Variants in PCDHGA1 observed in about 807,000 individuals in gnomAD.
PCDHGA1 encodes protocadherin gamma subfamily A, 1.
Under a neutral mutation model 58.0 loss-of-function variants are expected in PCDHGA1, and 32 were observed. The ratio of observed to expected loss-of-function variants is 0.55; its 90% CI spans 0.42 to 0.74. PCDHGA1 has a LOEUF of 0.74. PCDHGA1 is among the 30% of genes least tolerant of loss of function. PCDHGA1 has a pLI of 0.00. For missense variants in PCDHGA1, 1,205 were observed against 1,182.3 expected (o/e 1.02, Z -0.28); for synonymous variants, 498 against 501.1 (o/e 0.99, Z 0.08).
chr5:141,348,503 G>T (rs1758133060), intron 1 of PCDHGA1, among the ~76,000 whole-genome samples: 1 of 152,108 alleles, frequency 6.6e-6, no homozygotes, highest in Non-Finnish European at 1.5e-5. Context: ...AAATTAATTA[G>T]CTGTGTCAGG....
chr5:141,395,559 T>TA (rs2093276349), intron 1 of PCDHGA1: 2 of 220,962 alleles, frequency 9.1e-6, no homozygotes, highest in Admixed American at 1.1e-4. Flanking sequence ...TGTGTGTGTG[T>TA]GTGTGTGTGT....
At chr5:141,360,821 G>A (rs1214770155) in intron 1 of PCDHGA1, 1 of 1,613,924 alleles carries the variant, frequency 6.2e-7, no homozygotes, top group Non-Finnish European at 8.5e-7. Flanking sequence ...ACCCAAATCC[G>A]AATCAAAGTC....
chr5:141,439,579 G>A (rs980322898), intron 1 of PCDHGA1, among the ~76,000 whole-genome samples: 6 of 152,148 alleles, frequency 3.9e-5, no homozygotes, highest in African/African-American at 1.4e-4. Context: ...GGGACTCAGA[G>A]TGCCACTGTT....
intron 1 of PCDHGA1, chr5:141,426,760 C>T (rs935248232): frequency 4.4e-6 from 2 of 456,284 alleles, no homozygotes; most frequent in African/African-American, 4.0e-5. Context: ...GCTATAGATG[C>T]AGATGTAGGG....
chr5:141,485,340 C>A lies in PCDHGA1; in HGVS notation c.2422-9467C>A. 1 of 1,614,076 alleles carries A rather than the reference C, an allele frequency of 6.2e-7. No individual in the cohort carries two copies. On this transcript the variant is annotated intron_variant, in intron 1 of 3. Transcript: ENST00000517417. The surrounding 1 kb of genome is among the most constrained non-coding windows in gnomAD (Gnocchi z 5.7). ...GTCGCTCAAGATTTCCTGCTGGATA[C>A]GGACAGTCTGTCAGCTCGCAGGCTG...
At chr5:141,492,121 C>G (rs1205499685) in intron 1 of PCDHGA1, among the ~76,000 whole-genome samples, 1 of 152,232 alleles carries the variant, frequency 6.6e-6, no homozygotes, top group Non-Finnish European at 1.5e-5. Context: ...CGATTTCTCC[C>G]CAGCTCCCAG....
rs751791278 is a variant in PCDHGA1 at position 141,332,640 on chromosome 5, C to T, written c.1956C>T (p.Pro652=). The T allele has an allele frequency of 2.5e-6, 4 of 1,612,836 alleles. No individual in the cohort carries two copies. Among genetic ancestry groups the T allele is most frequent in the African/African-American group, 2.7e-5 (2 of 74,906 alleles). ...LVVAVQDHGQ[P]PLSATVTLTV... is the part of the protein sequence containing the mutation. ...TGGCCGTCCAGGACCACGGCCAGCCCCCGCTCTCCGCCACTGTCACGCTCA... is the reference window on the plus strand; with the variant it reads ...TGGCCGTCCAGGACCACGGCCAGCCTCCGCTCTCCGCCACTGTCACGCTCA... The change falls in exon 1 of 4, where the codon CCC becomes CCT. Residue 652 remains proline (P), a synonymous_variant. Coordinates refer to ENST00000517417, the MANE Select transcript of PCDHGA1 (RefSeq NM_018912.3). The surrounding 1 kb of genome is among the most constrained non-coding windows in gnomAD (Gnocchi z 4.6).
At chr5:141,418,057 G>A (rs2096216088) in intron 1 of PCDHGA1, 2 of 1,614,050 alleles carry the variant, frequency 1.2e-6, no homozygotes, top group East Asian at 4.5e-5. Context: ...CTCGCGAGCT[G>A]CGAGTGAGCG....
intron 1 of PCDHGA1, among the ~76,000 whole-genome samples, chr5:141,451,395 A>G (rs2098715118): frequency 6.6e-6 from 1 of 152,184 alleles, no homozygotes; most frequent in Admixed American, 6.6e-5. Context: ...AGTTAATGGC[A>G]AAATTAAGTT....
intron 1 of PCDHGA1, chr5:141,419,146 GCCT>G: frequency 6.2e-7 from 1 of 1,613,922 alleles, no homozygotes; most frequent in East Asian, 2.2e-5. Context: ...ACAGGGGCAA[GCCT>G]CCGTTATCCT....
chr5:141,456,550 C>T (rs1017343381), intron 1 of PCDHGA1, among the ~76,000 whole-genome samples: 2 of 152,166 alleles, frequency 1.3e-5, no homozygotes, highest in African/African-American at 4.8e-5. Context: ...TGTAGCCACT[C>T]GGGGCTGAAG....
At chr5:141,409,235 C>A (rs1471024804) in intron 1 of PCDHGA1, 1 of 1,613,832 alleles carries the variant, frequency 6.2e-7, no homozygotes, top group East Asian at 2.2e-5. Context: ...CGACAACAGC[C>A]CAGAAATAAT....
rs1369150914 is a variant in PCDHGA1 at position 141,432,217 on chromosome 5, G to A, written c.2422-62590G>A. The A allele has an allele frequency of 3.1e-6, 5 of 1,614,204 alleles. No individual in the cohort carries two copies. The East Asian group carries it at 6.7e-5, about 22-fold the overall frequency. On this transcript the variant is annotated intron_variant, in intron 1 of 3. Coordinates refer to ENST00000517417, the MANE Select transcript of PCDHGA1 (RefSeq NM_018912.3). The surrounding 1 kb of genome is among the most constrained non-coding windows in gnomAD (Gnocchi z 6.0). ...ACCCCGACTGTGAAGAGAACGCCCAGATCACTTATTCCCTGGCTGAGAACA... is the reference window on the plus strand; with the variant it reads ...ACCCCGACTGTGAAGAGAACGCCCAAATCACTTATTCCCTGGCTGAGAACA...
Position 141,435,556 on chromosome 5 carries a change from G to C in PCDHGA1, c.2422-59251G>C, listed in dbSNP as rs568743865. ...AGAATTAACAAAATGTGTTTTGAGT[G>C]CTTTTTTTAGTACTGGGGCAAATTT... is the stretch of plus-strand genomic sequence containing the variant. On this transcript the variant is annotated intron_variant, in intron 1 of 3. Transcript: ENST00000517417. Among the ~76,000 whole-genome samples, 7 of 152,242 alleles carry C rather than the reference G, an allele frequency of 4.6e-5. 1 individual carries two copies. Among genetic ancestry groups the C allele is most frequent in the African/African-American group, 1.4e-4 (6 of 41,544 alleles).
chr5:141,355,171 A>C (rs1759739774), intron 1 of PCDHGA1: 1 of 1,572,168 alleles, frequency 6.4e-7, no homozygotes, highest in Non-Finnish European at 8.6e-7. Flanking sequence ...GGGAAAACCG[A>C]AGCACAGGCG....
In PCDHGA1 at chr5:141,330,921, T is replaced by C. The variant is rs1756331626; in HGVS notation, c.237T>C (p.Pro79=). 1 of 1,614,222 alleles carries C rather than the reference T, an allele frequency of 6.2e-7. No individual in the cohort carries two copies. Among genetic ancestry groups the C allele is most frequent in the Admixed American group, 1.7e-5 (1 of 60,030 alleles). ...GGATGCCGCTTTTCGCTCTGAATCCTAGAAGTGGCAGCTTGATCACCGCGC... is the reference window on the plus strand; with the variant it reads ...GGATGCCGCTTTTCGCTCTGAATCCCAGAAGTGGCAGCTTGATCACCGCGC... ...RGRMPLFALN[P]RSGSLITARR... The change falls in exon 1 of 4, where the codon CCT becomes CCC. Residue 79 remains proline, a synonymous_variant. Transcript: ENST00000517417.
At chr5:141,388,115 G>C (rs747417828) in intron 1 of PCDHGA1, 1 of 1,410,070 alleles carries the variant, frequency 7.1e-7, no homozygotes. Flanking sequence ...ACTTCACCGT[G>C]AGCGCAGAGA....
intron 1 of PCDHGA1, among the ~76,000 whole-genome samples, chr5:141,362,928 G>A (rs1457664363): frequency 6.6e-6 from 1 of 152,184 alleles, no homozygotes; most frequent in Non-Finnish European, 1.5e-5. Context: ...AGTAAAGAGA[G>A]TCTTCATTTT....
intron 1 of PCDHGA1, among the ~76,000 whole-genome samples, chr5:141,430,243 T>C (rs1020416761): frequency 5.6e-5 from 6 of 106,478 alleles, no homozygotes; most frequent in African/African-American, 3.0e-4. Flanking sequence ...GAGAAACTCC[T>C]AGGGAGACAT....
Sources: allele counts gnomAD v4.1 joint callset (sites outside exome capture counted in the v4.1 genomes callset), GRCh38; gene constraint gnomAD v4.1.1; non-coding constraint Gnocchi (gnomAD v3.1); transcripts MANE v1.5; gene names NCBI Gene and HGNC (gene_info 2026-07-23, HGNC 2026-07-21).